Variants in COL4A2 observed in about 807,000 individuals in gnomAD.
COL4A2 encodes the protein collagen type IV alpha 2 chain.
COL4A2 carries 99 observed loss-of-function variants against 200.2 expected under a neutral mutation model. That is an observed-to-expected ratio of 0.49 (90% CI 0.42 to 0.58). COL4A2 has a LOEUF of 0.58. Ranked by LOEUF, COL4A2 falls within the 20% of genes least tolerant of loss-of-function variation. COL4A2 has a pLI of 0.00. For synonymous variants in COL4A2, 897 were observed against 900.6 expected (o/e 1.00, Z 0.07); for missense variants, 1,950 against 2,314.1 (o/e 0.84, Z 3.23).
chr13:110,450,585 CAGTGGATCCAGGTAGATTAGGGTGT>C (rs899050235), intron 20 of COL4A2, 131 bp downstream of exon 20: 159 of 1,064,826 alleles, frequency 1.5e-4, no homozygotes, highest in Non-Finnish European at 2.1e-4. Flanking sequence ...GATTAGGGTG[CAGTGGATCCAGGTAGATTAGGGTGT>C]AGTGGGTGCT....
chr13:110,354,511 A>C (rs1042029043), intron 3 of COL4A2, among the ~76,000 whole-genome samples: 1 of 152,194 alleles, frequency 6.6e-6, no homozygotes, highest in African/African-American at 2.4e-5. Flanking sequence ...CTTTTACACC[A>C]TAAACTCCAG....
At chr13:110,344,533 G>A (rs573830110) in intron 3 of COL4A2, among the ~76,000 whole-genome samples, 4 of 152,306 alleles carry the variant, frequency 2.6e-5, no homozygotes, top group African/African-American at 9.6e-5. Flanking sequence ...TAGTTCATGC[G>A]TGACATTTTT....
At chr13:110,465,335 G>C (rs1419715931) in intron 24 of COL4A2, 70 bp from the exon 25 acceptor site, 1 of 1,508,658 alleles carries the variant, frequency 6.6e-7, no homozygotes, top group African/African-American at 1.4e-5. Context: ...AATGGGAAAG[G>C]AAACAGGGAA....
rs748763102 is a variant in COL4A2, at chr13:110,458,805, C to T, written c.1467C>T (p.Asp489=). ...DAGECRCTEG[D]EAIKGLPGLP... is the part of the protein sequence containing the mutation. ...GGGAATGCAGATGTACAGAAGGCGACGAAGCTATCAAAGGTCTTCCGGGAC... is the reference window on the plus strand; with the variant it reads ...GGGAATGCAGATGTACAGAAGGCGATGAAGCTATCAAAGGTCTTCCGGGAC... Residue 489 remains aspartate, a synonymous_variant, in exon 22 of 48, where the codon GAC becomes GAT. Transcript: ENST00000360467. The T allele has an allele frequency of 1.1e-5, 17 of 1,613,888 alleles. No individual in the cohort carries two copies. The highest frequency in any genetic ancestry group is 5.0e-5 in the Admixed American group (3 of 59,986).
In COL4A2 at chr13:110,482,502, C is replaced by T. The variant is rs967684798; in HGVS notation, c.2759-14C>T. On this transcript the variant is annotated splice_polypyrimidine_tract_variant and intron_variant, in intron 31 of 47. Coordinates refer to ENST00000360467, the MANE Select transcript of COL4A2 (RefSeq NM_001846.4). ...TTCATGTCTAACCCAGCACTTTTCT[C>T]TTTTCCTCTGAAGGAGATAGAGGCT... 7.4e-6 allele frequency: 12 copies of T among 1,612,632 alleles called. No individual in the cohort carries two copies. The highest frequency in any genetic ancestry group is 9.3e-6 in the Non-Finnish European group (11 of 1,178,854).
At chr13:110,503,049 G>C in intron 41 of COL4A2, 72 bp from the exon 42 acceptor site, 1 of 1,417,484 alleles carries the variant, frequency 7.1e-7, no homozygotes, top group East Asian at 2.3e-5. Context: ...AATGGGTGAC[G>C]GTGCACCTGA....
intron 20 of COL4A2, among the ~76,000 whole-genome samples, chr13:110,452,408 C>T (rs970310091): frequency 3.3e-5 from 5 of 152,316 alleles, no homozygotes; most frequent in Admixed American, 2.0e-4. Context: ...ATGATCCGCC[C>T]GCCTCGGTCT....
At chr13:110,364,838 C>G (rs1877675348) in intron 4 of COL4A2, among the ~76,000 whole-genome samples, 1 of 152,122 alleles carries the variant, frequency 6.6e-6, no homozygotes, top group Admixed American at 6.5e-5. Context: ...ATGGTAACTG[C>G]TAGGCACATG....
chr13:110,484,455 G>T (rs2139527665), intron 32 of COL4A2, among the ~76,000 whole-genome samples: 1 of 152,164 alleles, frequency 6.6e-6, no homozygotes, highest in Non-Finnish European at 1.5e-5. Context: ...GAACCCCCCG[G>T]AGACCTCCCT....
chr13:110,457,430 G>A lies in COL4A2; in HGVS notation c.1427G>A (p.Trp476Ter), dbSNP rs1242854945. 3 of 1,591,454 alleles carry A rather than the reference G, an allele frequency of 1.9e-6. No individual in the cohort carries two copies. Among genetic ancestry groups the A allele is most frequent in the East Asian group, 2.2e-5 (1 of 44,756 alleles). ...CCTGGAGCCCGCGGACCAAAGGGGT[G>A]GAAAGGTAAGAACATCTGGGAGGGA... ...GSPGARGPKG[W>*]KGDAGECRCT... The change falls in exon 21 of 48, where the codon TGG (tryptophan) becomes TAG (stop). Residue 476 changes from tryptophan to a stop codon, truncating the protein, a stop_gained. Coordinates refer to ENST00000360467, the MANE Select transcript of COL4A2 (RefSeq NM_001846.4). LOFTEE classifies it high-confidence loss of function.
intron 3 of COL4A2, among the ~76,000 whole-genome samples, chr13:110,314,799 G>T (rs1346445617): frequency 3.3e-5 from 5 of 152,216 alleles, no homozygotes; most frequent in Non-Finnish European, 7.4e-5. Context: ...CAGAATGGGA[G>T]CCCCCTTCCC....
intron 32 of COL4A2, among the ~76,000 whole-genome samples, chr13:110,484,390 C>T (rs974148492): frequency 6.6e-6 from 1 of 152,118 alleles, no homozygotes; most frequent in African/African-American, 2.4e-5. Flanking sequence ...AGCACAGTTT[C>T]CCGCCCGGCC....
At chr13:110,443,236 G>T (rs918574970) in intron 16 of COL4A2, among the ~76,000 whole-genome samples, 3 of 152,160 alleles carry the variant, frequency 2.0e-5, no homozygotes, top group Non-Finnish European at 1.5e-5. Context: ...AGGCACATGC[G>T]TTCTATTTAG....
Position 110,370,073 on chromosome 13 carries a change from G to A in COL4A2, c.180+12521G>A, listed in dbSNP as rs540251376. On this transcript the variant is annotated intron_variant, in intron 4 of 47. Transcript: ENST00000360467. ...TTTCTAGCCGCTGCCTGATCAACGT[G>A]GAGTGAAGTGAAATGATTTCCCCCT... Among the ~76,000 whole-genome samples, 4 of 152,084 alleles carry A rather than the reference G, an allele frequency of 2.6e-5. No individual in the cohort carries two copies. The East Asian group carries it at 5.8e-4, about 22-fold the overall frequency.
chr13:110,472,587 G>A lies in COL4A2; in HGVS notation c.2204-342G>A, dbSNP rs72657969. Among the ~76,000 whole-genome samples the A allele has an allele frequency of 0.11, 17,416 of 152,030 alleles. 1,317 individuals carry two copies. Among genetic ancestry groups the A allele is most frequent in the Middle Eastern group, 0.24 (70 of 292 alleles). ...TTCCTCACTCAGCACAACCTAGAAGGTCCCACAAAAAGCTATTCTTTGGGG... is the reference window on the plus strand; with the variant it reads ...TTCCTCACTCAGCACAACCTAGAAGATCCCACAAAAAGCTATTCTTTGGGG... On this transcript the variant is annotated intron_variant, in intron 28 of 47. Transcript: ENST00000360467.
intron 3 of COL4A2, among the ~76,000 whole-genome samples, chr13:110,315,426 C>T (rs1255256632): frequency 6.6e-6 from 1 of 152,190 alleles, no homozygotes; most frequent in Non-Finnish European, 1.5e-5. Context: ...GGTGGAGTCT[C>T]ACTCTGTCAC....
chr13:110,329,861 C>G (rs1206835721), intron 3 of COL4A2, among the ~76,000 whole-genome samples: 1 of 152,174 alleles, frequency 6.6e-6, no homozygotes, highest in Non-Finnish European at 1.5e-5. Context: ...CCAGTGATGG[C>G]TCAGCACACC....
chr13:110,367,729 A>C (rs529077054), intron 4 of COL4A2, among the ~76,000 whole-genome samples: 1 of 152,368 alleles, frequency 6.6e-6, no homozygotes, highest in Admixed American at 6.5e-5. Context: ...AGCAAAATTA[A>C]CAGAATCCTA....
intron 21 of COL4A2, chr13:110,457,716 T>A: frequency 1.7e-6 from 1 of 592,276 alleles, no homozygotes; most frequent in Non-Finnish European, 3.3e-6. Context: ...TGCTGAGTCC[T>A]GTGCTGGGTT....
Sources: allele counts gnomAD v4.1 joint callset (sites outside exome capture counted in the v4.1 genomes callset), GRCh38; gene constraint gnomAD v4.1.1; transcripts MANE v1.5; gene names NCBI Gene and HGNC (gene_info 2026-07-23, HGNC 2026-07-21).